The following DCAF7 variants were observed in gnomAD, a reference collection of about 807,000 sequenced individuals.
The protein encoded by DCAF7 is DDB1- and CUL4-associated factor 7.
A neutral mutation model predicts 41.2 loss-of-function variants in DCAF7; 4 were observed. That is an observed-to-expected ratio of 0.10 (90% CI 0.05 to 0.22). DCAF7 has a LOEUF of 0.22. DCAF7 is among the 10% of genes least tolerant of loss of function. The pLI is 1.00. For synonymous variants in DCAF7, 143 were observed against 164.2 expected, an observed-to-expected ratio of 0.87 and a Z score of 0.99; for missense variants, 131 against 443.2, an observed-to-expected ratio of 0.30 and a Z score of 6.32.
At chr17:63,563,455 T>C (rs2033405490) in intron 1 of DCAF7, among the ~76,000 whole-genome samples, 1 of 152,192 alleles carries the variant, frequency 6.6e-6, no homozygotes, top group Non-Finnish European at 1.5e-5. Flanking sequence ...AAAATGCACA[T>C]ACTTTCTAAT....
chr17:63,570,270 G>A (rs1242191908), intron 1 of DCAF7, among the ~76,000 whole-genome samples: 3 of 151,658 alleles, frequency 2.0e-5, no homozygotes, highest in East Asian at 2.0e-4. Context: ...CCTGGGCAAC[G>A]CAGCAAAACC....
At chr17:63,559,903 T>G (rs2033362914) in intron 1 of DCAF7, among the ~76,000 whole-genome samples, 1 of 152,072 alleles carries the variant, frequency 6.6e-6, no homozygotes, top group Non-Finnish European at 1.5e-5. Flanking sequence ...GCCATGAAAG[T>G]AGAAGTAAAC....
chr17:63,558,093 C>T (rs1300658196), intron 1 of DCAF7, among the ~76,000 whole-genome samples: 1 of 152,112 alleles, frequency 6.6e-6, no homozygotes, highest in Non-Finnish European at 1.5e-5. Context: ...CAGGGTTTTG[C>T]CATGTTGCCC....
chr17:63,578,381 A>C, intron 1 of DCAF7, 89 bp from the exon 2 acceptor site: 3 of 1,547,714 alleles, frequency 1.9e-6, no homozygotes, highest in South Asian at 1.2e-5. Context: ...AAAAACAAAC[A>C]AAAAAAACCT....
At chr17:63,562,447 C>G (rs1045882019) in intron 1 of DCAF7, among the ~76,000 whole-genome samples, 1 of 152,142 alleles carries the variant, frequency 6.6e-6, no homozygotes, top group Non-Finnish European at 1.5e-5. Context: ...ATAGTACATA[C>G]AAATAAAACA....
At position 63,553,274 on chromosome 17, in the gene DCAF7, G is replaced by GA. The variant is rs35815784; in HGVS notation, c.138+2468dup. Among the ~76,000 whole-genome samples, 10 of 151,614 alleles carry GA rather than the reference G, an allele frequency of 6.6e-5. No homozygotes were observed. In the South Asian group the frequency reaches 8.3e-4, roughly 13 times the overall value. ...ATGCTTAACAACTGTGCTGTGGTGG[G>GA]AAAAAAAAATTCTCTTGCTGGCAAA... On this transcript the variant is annotated intron_variant, in intron 1 of 6. Transcript: ENST00000614556.
At position 63,592,453 on chromosome 17, in the gene DCAF7, G is replaced by A. The variant is rs2033744916; in HGVS notation, c.*3281G>A. Reference sequence around the variant, plus strand: ...TAGGTGAAAATTCCTTATAAATCCAGGATTGGCTCTGAGAGAACTGGCTAA... The same window carrying A: ...TAGGTGAAAATTCCTTATAAATCCAAGATTGGCTCTGAGAGAACTGGCTAA... On this transcript the variant is annotated 3_prime_UTR_variant, in exon 7 of 7. Transcript: ENST00000614556. 6.6e-6 allele frequency: 1 copy of A among 152,076 alleles called. No homozygotes were observed. Among genetic ancestry groups the A allele is most frequent in the South Asian group, 2.1e-4 (1 of 4,808 alleles). The allele number at this position is 152,076 out of a possible 1,614,324, so 9.4% of individuals were successfully genotyped here.
intron 1 of DCAF7, among the ~76,000 whole-genome samples, chr17:63,575,817 A>T (rs1364660706): frequency 6.6e-6 from 1 of 152,276 alleles, no homozygotes; most frequent in East Asian, 1.9e-4. Context: ...TCCCAATCAG[A>T]ATCTCAGCAG....
chr17:63,582,979 C>A (rs930275655), intron 4 of DCAF7, among the ~76,000 whole-genome samples: 1 of 152,202 alleles, frequency 6.6e-6, no homozygotes, highest in African/African-American at 2.4e-5. Flanking sequence ...AACATCTAGG[C>A]CTCCCGTGAC....
intron 1 of DCAF7, among the ~76,000 whole-genome samples, chr17:63,575,613 G>C (rs970433051): frequency 6.6e-6 from 1 of 152,168 alleles, no homozygotes; most frequent in African/African-American, 2.4e-5. Flanking sequence ...ACTTGAACAT[G>C]GGAGGCAGAG....
At chr17:63,578,412 A>G in intron 1 of DCAF7, 58 bp from the exon 2 acceptor site, 1 of 1,604,088 alleles carries the variant, frequency 6.2e-7, no homozygotes, top group Non-Finnish European at 8.5e-7. Flanking sequence ...CCAGGGATCT[A>G]ATGTATTTGC....
chr17:63,570,632 A>G (rs1473398202), intron 1 of DCAF7, among the ~76,000 whole-genome samples: 1 of 152,172 alleles, frequency 6.6e-6, no homozygotes, highest in Non-Finnish European at 1.5e-5. Flanking sequence ...CAAGTCAGAA[A>G]GTAGTGCTCT....
rs2033759290 is a variant in DCAF7, at chr17:63,593,902, G to A, written c.*4730G>A. 6.6e-6 allele frequency: 1 copy of A among 152,602 alleles called. No homozygotes were observed. Among genetic ancestry groups the A allele is most frequent in the Non-Finnish European group, 1.5e-5 (1 of 68,026 alleles). The allele number at this position is 152,602 out of a possible 1,614,324, so 9.5% of individuals were successfully genotyped here. ...CTAGTATGTCTGAACTTCCATTCTT[G>A]TTATATATTTAAACTTTCCCTCTAT... is the stretch of plus-strand genomic sequence containing the variant. On this transcript the variant is annotated 3_prime_UTR_variant, in exon 7 of 7. Coordinates refer to ENST00000614556, the MANE Select transcript of DCAF7 (RefSeq NM_005828.5).
chr17:63,580,682 C>G (rs1166470168), intron 4 of DCAF7, among the ~76,000 whole-genome samples: 1 of 151,830 alleles, frequency 6.6e-6, no homozygotes, highest in Non-Finnish European at 1.5e-5. Context: ...CCACCCCTGG[C>G]TAATTTTTGT....
chr17:63,566,660 C>T (rs1343434515), intron 1 of DCAF7, among the ~76,000 whole-genome samples: 1 of 152,166 alleles, frequency 6.6e-6, no homozygotes, highest in Non-Finnish European at 1.5e-5. Context: ...GTGGCTGACA[C>T]TGGTAATCCC....
In DCAF7 at chr17:63,573,308, A is replaced by G. The variant is rs1056011732; in HGVS notation, c.139-5162A>G. 3.3e-5 allele frequency: 5 copies of G among 152,342 alleles called. No individual in the cohort carries two copies. In the East Asian group the frequency reaches 9.6e-4, roughly 29 times the overall value. 9.4% of individuals were successfully genotyped at this position (152,342 alleles called of 1,614,324 possible). The stretch of plus-strand genomic sequence containing the variant: ...GCAGGGACCATGCTAACCTTTGTAT[A>G]GTTCTGATTTGAGTGTGTGTGCTGC... On this transcript the variant is annotated intron_variant, in intron 1 of 6. Coordinates refer to ENST00000614556, the MANE Select transcript of DCAF7 (RefSeq NM_005828.5).
Position 63,578,613 on chromosome 17 carries a change from T to C in DCAF7, c.282T>C (p.Tyr94=). The C allele has an allele frequency of 1.2e-6, 2 of 1,614,002 alleles. No individual in the cohort carries two copies. The highest frequency in any genetic ancestry group is 1.1e-5 in the South Asian group (1 of 91,086). The change falls in exon 2 of 7, where the codon TAT becomes TAC. Residue 94 remains tyrosine, a synonymous_variant. Transcript: ENST00000614556. Reference sequence around the variant, plus strand: ...ACCTACTGGCAACAAGCGGTGACTATCTCCGTGTGTGGAGGGTAAGCGGAT... The same window carrying C: ...ACCTACTGGCAACAAGCGGTGACTACCTCCGTGTGTGGAGGGTAAGCGGAT... ...YPDLLATSGD[Y]LRVWRVGETE...
intron 3 of DCAF7, 50 bp from the exon 4 acceptor site, chr17:63,579,775 G>A (rs1340924944): frequency 1.4e-6 from 2 of 1,469,480 alleles, no homozygotes; most frequent in African/African-American, 1.4e-5. Flanking sequence ...AGGGAAGCTT[G>A]CATGAGAACC....
rs950765739 is a variant in DCAF7, at chr17:63,591,365, T to A, written c.*2193T>A. The stretch of plus-strand genomic sequence containing the variant: ...CAGAAACAACAACTTGAAAAAAAAA[T>A]AATAATTAGAACATATTTGCATAAG... On this transcript the variant is annotated 3_prime_UTR_variant, in exon 7 of 7. Transcript: ENST00000614556. 5.3e-5 allele frequency: 8 copies of A among 152,126 alleles called. No individual in the cohort carries two copies. The highest frequency in any genetic ancestry group is 1.9e-4 in the East Asian group (1 of 5,198). 9.4% of individuals were successfully genotyped at this position (152,126 alleles called of 1,614,324 possible).
Sources: allele counts gnomAD v4.1 joint callset (sites outside exome capture counted in the v4.1 genomes callset), GRCh38; gene constraint gnomAD v4.1.1; transcripts MANE v1.5; gene names NCBI Gene and HGNC (gene_info 2026-07-23, HGNC 2026-07-21).